DKK2: variants seen among roughly 807,000 people sequenced by gnomAD.
DKK2 encodes the protein dickkopf Wnt signaling pathway inhibitor 2, also known as dickkopf-related protein 2.
DKK2 carries 11 observed loss-of-function variants against 28.1 expected under a neutral mutation model. That is an observed-to-expected ratio of 0.39 (90% CI 0.25 to 0.65). DKK2 has a LOEUF of 0.65. Ranked by LOEUF, DKK2 falls within the 30% of genes least tolerant of loss-of-function variation. The pLI, the probability that DKK2 is intolerant of heterozygous loss-of-function variation, is 0.47. For missense variants in DKK2, 326 were observed against 335.5 expected, an observed-to-expected ratio of 0.97 and a Z score of 0.22; for synonymous variants, 135 against 126.5, an observed-to-expected ratio of 1.07 and a Z score of -0.45.
At chr4:106,984,575 C>A (rs1291912227) in intron 1 of DKK2, among the ~76,000 whole-genome samples, 1 of 152,110 alleles carries the variant, frequency 6.6e-6, no homozygotes, top group Non-Finnish European at 1.5e-5. Flanking sequence ...TTTTGTTTAG[C>A]AGAATTTCAT....
At chr4:107,027,909 G>A (rs1208153819) in intron 1 of DKK2, among the ~76,000 whole-genome samples, 1 of 151,752 alleles carries the variant, frequency 6.6e-6, no homozygotes. Context: ...CTGCCACCAC[G>A]CCCGGCTAAT....
chr4:106,964,306 T>C (rs975344572), intron 1 of DKK2, among the ~76,000 whole-genome samples: 1 of 152,108 alleles, frequency 6.6e-6, no homozygotes, highest in Non-Finnish European at 1.5e-5. Flanking sequence ...TTAAAAAATA[T>C]TGAACTCCTG....
intron 1 of DKK2, among the ~76,000 whole-genome samples, chr4:106,933,963 T>A (rs1327407861): frequency 7.9e-6 from 1 of 127,358 alleles, no homozygotes; most frequent in Non-Finnish European, 1.8e-5. Context: ...CCTGTAAATG[T>A]GTGTGTGTGT....
chr4:106,952,005 C>A (rs933517552), intron 1 of DKK2, among the ~76,000 whole-genome samples: 1 of 152,038 alleles, frequency 6.6e-6, no homozygotes, highest in African/African-American at 2.4e-5. Context: ...ATTGACTAAA[C>A]AACAACAAAA....
intron 1 of DKK2, among the ~76,000 whole-genome samples, chr4:107,019,765 A>C (rs767164389): frequency 2.0e-5 from 3 of 152,048 alleles, no homozygotes; most frequent in Non-Finnish European, 2.9e-5. Context: ...ATGCATCTTA[A>C]CTACAGAATA....
chr4:106,932,327 G>T (rs746215488), intron 1 of DKK2, among the ~76,000 whole-genome samples: 2 of 151,902 alleles, frequency 1.3e-5, no homozygotes, highest in Non-Finnish European at 2.9e-5. Context: ...TAAATCCAAA[G>T]AAACAGTAAC....
intron 1 of DKK2, among the ~76,000 whole-genome samples, chr4:107,014,952 C>T (rs1310042242): frequency 6.6e-6 from 1 of 151,218 alleles, no homozygotes; most frequent in Non-Finnish European, 1.5e-5. Flanking sequence ...GTTAATCTAC[C>T]CTAATTTATA....
In DKK2 at chr4:107,036,262, G is replaced by T; in HGVS notation, c.-671C>A. On this transcript the variant is annotated 5_prime_UTR_variant, in exon 1 of 4. Coordinates refer to ENST00000285311, the MANE Select transcript of DKK2 (RefSeq NM_014421.3). Reference sequence around the variant, plus strand: ...CGCTGCCAGCGCAGCGATGCCTAGGGAGCGGACTTGCGCTACGCTCGCCGC... The same window carrying T: ...CGCTGCCAGCGCAGCGATGCCTAGGTAGCGGACTTGCGCTACGCTCGCCGC... The T allele has an allele frequency of 6.6e-6, 1 of 152,420 alleles. No homozygotes were observed. 9.4% of individuals were successfully genotyped at this position (152,420 alleles called of 1,614,324 possible).
At chr4:107,034,722 CCTTA>C (rs1457070380) in intron 1 of DKK2, among the ~76,000 whole-genome samples, 1 of 152,064 alleles carries the variant, frequency 6.6e-6, no homozygotes, top group East Asian at 1.9e-4. Context: ...TTGTCTGTGA[CCTTA>C]CTTCTTTGAA....
intron 1 of DKK2, among the ~76,000 whole-genome samples, chr4:106,982,994 AAAG>A (rs1181995723): frequency 2.0e-5 from 3 of 151,376 alleles, no homozygotes; most frequent in African/African-American, 7.3e-5. Context: ...AAGAAAGAGA[AAAG>A]AAAAGAAAAA....
At chr4:106,965,660 A>T (rs1370995193) in intron 1 of DKK2, among the ~76,000 whole-genome samples, 1 of 150,916 alleles carries the variant, frequency 6.6e-6, no homozygotes, top group Non-Finnish European at 1.5e-5. Flanking sequence ...TTAGTTACAT[A>T]TGTATACATG....
chr4:107,013,995 C>G (rs1222011471), intron 1 of DKK2, among the ~76,000 whole-genome samples: 2 of 151,290 alleles, frequency 1.3e-5, no homozygotes, highest in Non-Finnish European at 3.0e-5. Flanking sequence ...ATAACAAATA[C>G]CGGCAAGGAT....
chr4:106,989,959 C>CA (rs1340896195), intron 1 of DKK2, among the ~76,000 whole-genome samples: 8 of 151,982 alleles, frequency 5.3e-5, no homozygotes, highest in Admixed American at 2.6e-4. Context: ...CCCAACATAG[C>CA]AAAAATATTA....
chr4:106,997,539 A>T (rs1368433219), intron 1 of DKK2, among the ~76,000 whole-genome samples: 1 of 148,534 alleles, frequency 6.7e-6, no homozygotes, highest in African/African-American at 2.6e-5. Context: ...CACCGAAGAG[A>T]TTTATTTCTC....
At chr4:106,983,001 A>AGAAAT in intron 1 of DKK2, among the ~76,000 whole-genome samples, 1 of 151,562 alleles carries the variant, frequency 6.6e-6, no homozygotes. Context: ...AGAAAAGAAA[A>AGAAAT]GAAAAAGAGA....
intron 1 of DKK2, among the ~76,000 whole-genome samples, chr4:106,929,053 A>C (rs1225717104): frequency 6.6e-6 from 1 of 152,098 alleles, no homozygotes; most frequent in African/African-American, 2.4e-5. Flanking sequence ...TCACATAGAT[A>C]ATCTTTATTT....
chr4:106,989,795 A>C (rs1723178587), intron 1 of DKK2, among the ~76,000 whole-genome samples: 2 of 152,202 alleles, frequency 1.3e-5, no homozygotes, highest in South Asian at 4.1e-4. Context: ...GGCATATTCA[A>C]GCTATGTGTT....
At chr4:107,014,624 G>A (rs1253801662) in intron 1 of DKK2, among the ~76,000 whole-genome samples, 1 of 151,338 alleles carries the variant, frequency 6.6e-6, no homozygotes, top group Non-Finnish European at 1.5e-5. Context: ...TATATTTCAG[G>A]ATAGCTAGAA....
At chr4:107,021,347 T>A (rs1723688782) in intron 1 of DKK2, among the ~76,000 whole-genome samples, 1 of 152,072 alleles carries the variant, frequency 6.6e-6, no homozygotes. Context: ...AACAAACATG[T>A]AAACTACTTC....
Sources: allele counts gnomAD v4.1 joint callset (sites outside exome capture counted in the v4.1 genomes callset), GRCh38; gene constraint gnomAD v4.1.1; transcripts MANE v1.5; gene names NCBI Gene and HGNC (gene_info 2026-07-23, HGNC 2026-07-21).